R3HDM2: variants seen among roughly 807,000 people sequenced by gnomAD.
The protein encoded by R3HDM2 is R3H domain containing 2, also known as R3H domain-containing protein 2.
A neutral mutation model predicts 124.5 loss-of-function variants in R3HDM2; 38 were observed. That is an observed-to-expected ratio of 0.31 (90% confidence interval 0.24 to 0.40). R3HDM2 has a LOEUF of 0.40. Ranked by LOEUF, R3HDM2 falls within the 10% of genes least tolerant of loss-of-function variation. The probability of loss-of-function intolerance (pLI) is 1.00; values close to 1 mark genes in which losing one functional copy is unlikely to be tolerated. For missense variants in R3HDM2, 869 were observed against 1,236.9 expected (o/e 0.70, Z 4.46); for synonymous variants, 391 against 448.0 (o/e 0.87, Z 1.61).
intron 2 of R3HDM2, among the ~76,000 whole-genome samples, chr12:57,386,442 G>A (rs2065802889): frequency 6.6e-6 from 1 of 152,248 alleles, no homozygotes. Context: ...GCAGTGAGGG[G>A]CTTAGCACCT....
chr12:57,333,982 C>T (rs993894703), intron 2 of R3HDM2, among the ~76,000 whole-genome samples: 61 of 151,352 alleles, frequency 4.0e-4, no homozygotes, highest in African/African-American at 8.0e-4. Context: ...GAGGCTGCAA[C>T]GAGCCGAGAC....
At position 57,296,119 on chromosome 12, in the gene R3HDM2, C is replaced by T. The variant is rs1268767270; in HGVS notation, c.701+292G>A. Among the ~76,000 whole-genome samples the T allele has an allele frequency of 6.6e-6, 1 of 152,156 alleles. No homozygotes were observed. Among genetic ancestry groups the T allele is most frequent in the Admixed American group, 6.5e-5 (1 of 15,278 alleles). ...TCCTGACCTTATGATCCACCCGCCT[C>T]GGCCTCCCAAAGTGCTGGGATTACA... On this transcript the variant is annotated intron_variant, in intron 9 of 23. Coordinates refer to ENST00000402412, the MANE Select transcript of R3HDM2 (RefSeq NM_001394031.1). The surrounding 1 kb of genome is among the most constrained non-coding windows in gnomAD (Gnocchi z 4.5).
At chr12:57,393,914 C>A (rs1207995425) in intron 2 of R3HDM2, among the ~76,000 whole-genome samples, 2 of 152,156 alleles carry the variant, frequency 1.3e-5, no homozygotes, top group African/African-American at 4.8e-5. Flanking sequence ...CAAAATCCAG[C>A]AAAACTATCC....
chr12:57,352,849 A>G (rs2137290269), intron 2 of R3HDM2, among the ~76,000 whole-genome samples: 1 of 152,248 alleles, frequency 6.6e-6, no homozygotes, highest in Non-Finnish European at 1.5e-5. Context: ...CAATGGGAAA[A>G]GAATAGAGAT....
At chr12:57,255,473 T>C (rs1343206477) in intron 23 of R3HDM2, among the ~76,000 whole-genome samples, 2 of 152,244 alleles carry the variant, frequency 1.3e-5, no homozygotes, top group Non-Finnish European at 2.9e-5. Flanking sequence ...TGTATCAATC[T>C]GAAATATGTT....
chr12:57,343,186 A>ATT lies in R3HDM2; in HGVS notation c.-35-32725_-35-32724dup, dbSNP rs760665727. On this transcript the variant is annotated intron_variant, in intron 2 of 23. Transcript: ENST00000402412. ...GCTTAGATATGACCCTCGGGTCTTA[A>ATT]TTTTTTTTTTTTTTTTTTTTTGAGA... Among the ~76,000 whole-genome samples the ATT allele has an allele frequency of 2.0e-3, 269 of 133,940 alleles. 4 individuals carry two copies. Among genetic ancestry groups the ATT allele is most frequent in the African/African-American group, 6.7e-3 (231 of 34,456 alleles). The allele number at this position is 133,940 out of a possible 152,430, so 87.9% of individuals were successfully genotyped here.
chr12:57,317,556 T>C (rs1171441261), intron 2 of R3HDM2, among the ~76,000 whole-genome samples: 1 of 148,204 alleles, frequency 6.7e-6, no homozygotes, highest in African/African-American at 2.5e-5. Flanking sequence ...GACTTCCTGA[T>C]ATGTGAAGTT....
intron 2 of R3HDM2, among the ~76,000 whole-genome samples, chr12:57,333,615 C>T (rs1435864568): frequency 6.6e-6 from 1 of 152,008 alleles, no homozygotes; most frequent in Non-Finnish European, 1.5e-5. Flanking sequence ...TTGCTTGAAT[C>T]TGGGAGGCAG....
At chr12:57,387,269 A>G (rs2138559168) in intron 2 of R3HDM2, among the ~76,000 whole-genome samples, 1 of 152,216 alleles carries the variant, frequency 6.6e-6, no homozygotes, top group African/African-American at 2.4e-5. Flanking sequence ...TTGGGTCCAC[A>G]CTGCCTTTAT....
At chr12:57,429,771 TG>T (rs201158679) in intron 1 of R3HDM2, among the ~76,000 whole-genome samples, 20 of 37,894 alleles carry the variant, frequency 5.3e-4, no homozygotes, top group South Asian at 1.1e-3. Flanking sequence ...GGGGCGGGGG[TG>T]GGGGGGGAAT....
intron 1 of R3HDM2, among the ~76,000 whole-genome samples, chr12:57,410,228 T>C (rs1399022517): frequency 2.6e-5 from 4 of 151,532 alleles, no homozygotes; most frequent in East Asian, 1.9e-4. Context: ...AACATAACCA[T>C]TCCTTTTATC....
chr12:57,257,764 G>T (rs1357979748), intron 21 of R3HDM2, among the ~76,000 whole-genome samples: 2 of 152,192 alleles, frequency 1.3e-5, no homozygotes, highest in Non-Finnish European at 2.9e-5. Flanking sequence ...CTACTTGGTT[G>T]TAAGTACTAA....
chr12:57,279,686 TA>T, intron 14 of R3HDM2, among the ~76,000 whole-genome samples: 1 of 151,764 alleles, frequency 6.6e-6, no homozygotes, highest in Non-Finnish European at 1.5e-5. Context: ...AAGAAAGAAA[TA>T]AAACAGAATA....
intron 14 of R3HDM2, among the ~76,000 whole-genome samples, chr12:57,271,475 G>C (rs2043587870): frequency 6.6e-6 from 1 of 151,588 alleles, no homozygotes; most frequent in Non-Finnish European, 1.5e-5. Context: ...CACACAACTA[G>C]CAGAAACCAA....
rs970571908 is a variant in R3HDM2, at chr12:57,253,965, G to A, written c.*808C>T. Reference sequence around the variant, plus strand: ...TATACAAGTGTTCTGGGGGGGCCAGGGGAATCCCAAGTTTTAACTCTGTGG... The same window carrying A: ...TATACAAGTGTTCTGGGGGGGCCAGAGGAATCCCAAGTTTTAACTCTGTGG... On this transcript the variant is annotated 3_prime_UTR_variant, in exon 24 of 24. Transcript: ENST00000402412. The A allele has an allele frequency of 1.1e-5, 4 of 354,458 alleles. No homozygotes were observed. The highest frequency in any genetic ancestry group is 8.8e-5 in the African/African-American group (4 of 45,466). 22.0% of individuals were successfully genotyped at this position (354,458 alleles called of 1,614,324 possible).
chr12:57,289,251 G>C (rs555896694), intron 11 of R3HDM2, among the ~76,000 whole-genome samples: 4 of 152,254 alleles, frequency 2.6e-5, no homozygotes, highest in Non-Finnish European at 4.4e-5. Flanking sequence ...GGTGGTTTTA[G>C]CCTTTGGATA....
At chr12:57,418,162 A>G in intron 1 of R3HDM2, 5 of 985,278 alleles carry the variant, frequency 5.1e-6, no homozygotes, top group Non-Finnish European at 6.0e-6. Flanking sequence ...AAGCAACACC[A>G]CCCAGTTTGC....
At chr12:57,372,111 C>G (rs928781943) in intron 2 of R3HDM2, among the ~76,000 whole-genome samples, 2 of 152,168 alleles carry the variant, frequency 1.3e-5, no homozygotes, top group African/African-American at 2.4e-5. Flanking sequence ...AGGTGATCCA[C>G]CCACCTTGGA....
intron 12 of R3HDM2, chr12:57,288,808 A>G (rs1396589572): frequency 6.8e-7 from 1 of 1,465,592 alleles, no homozygotes; most frequent in Non-Finnish European, 9.3e-7. Flanking sequence ...ACAGCAAAAC[A>G]AAATAAAATT....
Sources: gnomAD v4.1 joint callset for allele counts (sites outside exome capture counted in the v4.1 genomes callset) on GRCh38, gnomAD v4.1.1 for gene constraint, Gnocchi (gnomAD v3.1) non-coding constraint, MANE v1.5 for transcripts, NCBI Gene and HGNC (gene_info 2026-07-23, HGNC 2026-07-21) for gene names.